Variants in RSRC1 observed in about 807,000 individuals in gnomAD.
RSRC1 encodes arginine and serine rich coiled-coil 1.
Under a neutral mutation model 49.1 loss-of-function variants are expected in RSRC1, and 39 were observed. The observed-to-expected ratio is 0.79, with a 90% CI of 0.61 to 1.04. The LOEUF (loss-of-function observed/expected upper bound fraction) is 1.04, where lower values mean the gene tolerates loss of function less well. RSRC1 is among the 50% of genes least tolerant of loss of function. The pLI is 0.00. For missense variants in RSRC1, 388 were observed against 402.4 expected, an observed-to-expected ratio of 0.96 and a Z score of 0.31; for synonymous variants, 143 against 130.8, an observed-to-expected ratio of 1.09 and a Z score of -0.63.
chr3:158,198,616 A>C (rs1369124611), intron 3 of RSRC1, among the ~76,000 whole-genome samples: 2 of 152,140 alleles, frequency 1.3e-5, no homozygotes, highest in African/African-American at 2.4e-5. Context: ...ATGTTGTTGC[A>C]GTGGCTGGTA....
intron 5 of RSRC1, among the ~76,000 whole-genome samples, chr3:158,334,282 T>C (rs901143949): frequency 1.3e-5 from 2 of 152,210 alleles, no homozygotes; most frequent in Non-Finnish European, 2.9e-5. Context: ...ACAACTGTTA[T>C]TGAGTCTAAT....
At chr3:158,262,140 C>G (rs114413440) in intron 4 of RSRC1, among the ~76,000 whole-genome samples, 2,454 of 152,044 alleles carry the variant, frequency 0.016, 86 homozygotes, top group African/African-American at 0.056. Context: ...TTGAGGAAGT[C>G]TAGTTTATTT....
At chr3:158,143,756 A>C (rs1430685989) in intron 3 of RSRC1, among the ~76,000 whole-genome samples, 1 of 152,208 alleles carries the variant, frequency 6.6e-6, no homozygotes, top group Non-Finnish European at 1.5e-5. Context: ...GCTGGTAGAA[A>C]AGCCTTCTGT....
chr3:158,495,581 C>T (rs202187473), intron 7 of RSRC1, among the ~76,000 whole-genome samples: 4 of 152,126 alleles, frequency 2.6e-5, no homozygotes, highest in Admixed American at 6.5e-5. Context: ...CAACCATGCC[C>T]GGCCTCCACT....
intron 3 of RSRC1, among the ~76,000 whole-genome samples, chr3:158,133,434 A>G (rs7624303): frequency 0.22 from 33,298 of 152,156 alleles, 4,237 homozygotes; most frequent in Non-Finnish European, 0.29. Context: ...CTACAGCAAG[A>G]CAGTACGATG....
chr3:158,136,042 A>T (rs899831827), intron 3 of RSRC1, among the ~76,000 whole-genome samples: 2 of 152,192 alleles, frequency 1.3e-5, no homozygotes, highest in Admixed American at 1.3e-4. Context: ...CAACGTATAG[A>T]TTGAGCTGTA....
At chr3:158,354,466 T>C (rs1044746816) in intron 5 of RSRC1, among the ~76,000 whole-genome samples, 11 of 152,200 alleles carry the variant, frequency 7.2e-5, no homozygotes, top group African/African-American at 2.7e-4. Flanking sequence ...AGAGTCTGAC[T>C]TACCTCAAAT....
At chr3:158,221,399 A>G (rs1214864367) in intron 4 of RSRC1, among the ~76,000 whole-genome samples, 1 of 151,354 alleles carries the variant, frequency 6.6e-6, no homozygotes, top group Non-Finnish European at 1.5e-5. Context: ...TAGATTCTGC[A>G]TTAGAGTGAT....
chr3:158,245,336 G>T (rs1723830849), intron 4 of RSRC1, among the ~76,000 whole-genome samples: 2 of 152,112 alleles, frequency 1.3e-5, no homozygotes, highest in South Asian at 4.1e-4. Context: ...ATGGCTTTTA[G>T]TGAATTTCTT....
intron 3 of RSRC1, chr3:158,132,151 G>A: frequency 2.2e-6 from 1 of 449,042 alleles, no homozygotes; most frequent in Non-Finnish European, 4.5e-6. Flanking sequence ...ACCCAACTAT[G>A]ATTTTTGTAT....
At position 158,148,114 on chromosome 3, in the gene RSRC1, A is replaced by G. The variant is rs114284398; in HGVS notation, c.320+24123A>G. Among the ~76,000 whole-genome samples the G allele has an allele frequency of 3.9e-3, 601 of 152,270 alleles. 3 individuals are homozygous for G. Among genetic ancestry groups the G allele is most frequent in the African/African-American group, 0.014 (565 of 41,546 alleles). On this transcript the variant is annotated intron_variant, in intron 3 of 9. Coordinates refer to ENST00000611884, the MANE Select transcript of RSRC1 (RefSeq NM_001271838.2). Reference sequence around the variant, plus strand: ...TGGTACAGGTAATTGATGTATACTTACCTATTATCTGGGATTATAAACCCC... The same window carrying G: ...TGGTACAGGTAATTGATGTATACTTGCCTATTATCTGGGATTATAAACCCC...
At chr3:158,294,483 A>T (rs530029859) in intron 4 of RSRC1, among the ~76,000 whole-genome samples, 1 of 152,046 alleles carries the variant, frequency 6.6e-6, no homozygotes, top group Non-Finnish European at 1.5e-5. Flanking sequence ...ATTATTTTTT[A>T]AAATTCTGGT....
chr3:158,354,869 C>G lies in RSRC1; in HGVS notation c.544C>G (p.Gln182Glu), dbSNP rs749623927. Reference protein sequence around the residue: ...AGLEHLPPAEQAKARLQLVLE... With the variant: ...AGLEHLPPAEEAKARLQLVLE... ...TTTTCTTTTTTAGCCACCAGCTGAACAGGCCAAAGCCAGACTACAGCTGGT... is the reference window on the plus strand; with the variant it reads ...TTTTCTTTTTTAGCCACCAGCTGAAGAGGCCAAAGCCAGACTACAGCTGGT... The change falls in exon 6 of 10, where the codon CAG becomes GAG. Residue 182 changes from glutamine (Q) to glutamate (E), a missense_variant. Coordinates refer to ENST00000611884, the MANE Select transcript of RSRC1 (RefSeq NM_001271838.2). 1 of 1,551,096 alleles carries G rather than the reference C, an allele frequency of 6.4e-7. No homozygotes were observed. Among genetic ancestry groups the G allele is most frequent in the Non-Finnish European group, 8.7e-7 (1 of 1,151,846 alleles).
chr3:158,486,171 C>T (rs1030950150), intron 7 of RSRC1, among the ~76,000 whole-genome samples: 3 of 152,136 alleles, frequency 2.0e-5, no homozygotes, highest in Admixed American at 1.3e-4. Flanking sequence ...GTTCATTCCT[C>T]TCCCAGTCTA....
chr3:158,228,681 T>C (rs1578217375), intron 4 of RSRC1, among the ~76,000 whole-genome samples: 1 of 93,934 alleles, frequency 1.1e-5, no homozygotes, highest in East Asian at 4.1e-4. Flanking sequence ...AAACTTATTT[T>C]TGTGCTGATA....
intron 3 of RSRC1, among the ~76,000 whole-genome samples, chr3:158,155,617 A>AT (rs35550220): frequency 1.0e-5 from 1 of 96,976 alleles, no homozygotes; most frequent in Non-Finnish European, 2.2e-5. Flanking sequence ...TTTTTTTTGT[A>AT]TTTTTTGTAG....
intron 4 of RSRC1, among the ~76,000 whole-genome samples, chr3:158,270,540 A>G (rs1488132311): frequency 6.6e-6 from 1 of 152,196 alleles, no homozygotes; most frequent in Non-Finnish European, 1.5e-5. Flanking sequence ...TTTATTGAGC[A>G]TACCATAATA....
At chr3:158,301,737 A>G (rs1300487252) in intron 5 of RSRC1, among the ~76,000 whole-genome samples, 2 of 152,176 alleles carry the variant, frequency 1.3e-5, no homozygotes, top group African/African-American at 4.8e-5. Flanking sequence ...TTTGAAATAT[A>G]GTTGCATTTA....
chr3:158,289,924 TATCCATCC>T (rs138336070), intron 4 of RSRC1, among the ~76,000 whole-genome samples: 45 of 149,896 alleles, frequency 3.0e-4, no homozygotes, highest in East Asian at 3.0e-3. Context: ...TCTATCTTTC[TATCCATCC>T]ATCCATCCAT....
Sources: gnomAD v4.1 joint callset for allele counts (sites outside exome capture counted in the v4.1 genomes callset) on GRCh38, gnomAD v4.1.1 for gene constraint, MANE v1.5 for transcripts, NCBI Gene and HGNC (gene_info 2026-07-23, HGNC 2026-07-21) for gene names.